ASCC3: variants seen among roughly 807,000 people sequenced by gnomAD.
The protein encoded by ASCC3 is activating signal cointegrator 1 complex subunit 3.
ASCC3 carries 158 observed loss-of-function variants against 256.3 expected under a neutral mutation model. The ratio of observed to expected loss-of-function variants is 0.62; its 90% confidence interval spans 0.54 to 0.70. The LOEUF is 0.70. ASCC3 is among the 30% of genes least tolerant of loss of function. ASCC3 has a pLI of 0.00. For synonymous variants in ASCC3, 948 were observed against 883.4 expected, an observed-to-expected ratio of 1.07 and a Z score of -1.30; for missense variants, 2,259 against 2,626.0, an observed-to-expected ratio of 0.86 and a Z score of 3.05.
At chr6:100,803,514 C>G (rs1023346342) in intron 5 of ASCC3, among the ~76,000 whole-genome samples, 1 of 152,098 alleles carries the variant, frequency 6.6e-6, no homozygotes, top group Non-Finnish European at 1.5e-5. Flanking sequence ...CCAATTGAAC[C>G]TCCTTTGTTT....
chr6:100,655,465 A>G (rs1043625858), intron 17 of ASCC3, among the ~76,000 whole-genome samples: 1 of 151,850 alleles, frequency 6.6e-6, no homozygotes, highest in Non-Finnish European at 1.5e-5. Flanking sequence ...ACCTGAATAC[A>G]TGGATAATAG....
At chr6:100,679,788 A>G (rs1322919903) in intron 13 of ASCC3, 36 bp from the exon 14 acceptor site, 2 of 1,600,992 alleles carry the variant, frequency 1.2e-6, no homozygotes, top group South Asian at 1.1e-5. Context: ...TAATATTCCA[A>G]TTAATTAAAT....
chr6:100,710,514 A>G (rs1038956733), intron 13 of ASCC3, among the ~76,000 whole-genome samples: 1 of 152,192 alleles, frequency 6.6e-6, no homozygotes, highest in Non-Finnish European at 1.5e-5. Flanking sequence ...TTTGAAAAGT[A>G]AGGCAATGAA....
chr6:100,747,219 C>G (rs770432321), intron 10 of ASCC3, among the ~76,000 whole-genome samples: 3 of 150,956 alleles, frequency 2.0e-5, no homozygotes, highest in Non-Finnish European at 3.0e-5. Flanking sequence ...ATACTACACA[C>G]CAACTAGAAT....
intron 8 of ASCC3, among the ~76,000 whole-genome samples, chr6:100,781,516 TG>T (rs1384730388): frequency 1.3e-5 from 2 of 151,238 alleles, no homozygotes; most frequent in Non-Finnish European, 2.9e-5. Context: ...CCTGAGTAGC[TG>T]GGACTACAGG....
In ASCC3 at chr6:100,822,515, C is replaced by T. The variant is rs199656602; in HGVS notation, c.802-16635G>A. ...TCGCGCCACTGCACTCCAGCCTGGG[C>T]GACGAGCAAGACTCCGTCTCCAAAA... On this transcript the variant is annotated intron_variant, in intron 4 of 41. Coordinates refer to ENST00000369162, the MANE Select transcript of ASCC3 (RefSeq NM_006828.4). 3.6e-4 allele frequency among the ~76,000 whole-genome samples: 50 copies of T among 139,406 alleles called. No individual in the cohort carries two copies. The East Asian group carries it at 9.4e-3, about 26-fold the overall frequency. 91.5% of individuals were successfully genotyped at this position (139,406 alleles called of 152,430 possible).
chr6:100,806,272 T>C (rs1770176875), intron 4 of ASCC3, among the ~76,000 whole-genome samples: 1 of 152,012 alleles, frequency 6.6e-6, no homozygotes, highest in African/African-American at 2.4e-5. Flanking sequence ...TACAACAGTG[T>C]AATTTTTAGC....
At chr6:100,850,098 CA>C (rs61582863) in intron 3 of ASCC3, among the ~76,000 whole-genome samples, 22,684 of 80,082 alleles carry the variant, frequency 0.28, 2,098 homozygotes, top group East Asian at 0.47. Context: ...GAGACTCTAT[CA>C]AAAAAAAAAA....
intron 29 of ASCC3, 42 bp from the exon 30 acceptor site, chr6:100,625,376 C>T (rs754112320): frequency 1.9e-6 from 3 of 1,601,420 alleles, no homozygotes; most frequent in East Asian, 4.5e-5. Flanking sequence ...AGATACTTAA[C>T]CCCAGAATAT....
rs543318669 is a variant in ASCC3 at position 100,609,523 on chromosome 6, A to G, written c.4786-2435T>C. ...CTCTCTGAATATTCTATCACTTTCCATTCAACATGGAAAATACTTAAAGTA... is the reference window on the plus strand; with the variant it reads ...CTCTCTGAATATTCTATCACTTTCCGTTCAACATGGAAAATACTTAAAGTA... On this transcript the variant is annotated intron_variant, in intron 30 of 41. Coordinates refer to ENST00000369162, the MANE Select transcript of ASCC3 (RefSeq NM_006828.4). Among the ~76,000 whole-genome samples the G allele has an allele frequency of 6.6e-5, 10 of 152,100 alleles. No individual in the cohort carries two copies. In the East Asian group the frequency reaches 1.9e-3, roughly 29 times the overall value.
In ASCC3 at chr6:100,638,592, T is replaced by C. The variant is rs777221419; in HGVS notation, c.4122+9A>G. ...CTAATTAAATGTAAGTATGATTCTTTCAACAGACCTTTGAAGTAGGGTATT... is the reference window on the plus strand; with the variant it reads ...CTAATTAAATGTAAGTATGATTCTTCCAACAGACCTTTGAAGTAGGGTATT... On this transcript the variant is annotated intron_variant, in intron 25 of 41. Transcript: ENST00000369162. The C allele has an allele frequency of 6.3e-7, 1 of 1,590,238 alleles. No individual in the cohort carries two copies. The highest frequency in any genetic ancestry group is 1.1e-5 in the South Asian group (1 of 90,284).
chr6:100,603,305 A>G lies in ASCC3; in HGVS notation c.5178-1370T>C, dbSNP rs905532474. ...AAAAAATTACATAAATTATATAGGT[A>G]CAACACAATTAATTATTACAATGTG... On this transcript the variant is annotated intron_variant, in intron 33 of 41. Transcript: ENST00000369162. Among the ~76,000 whole-genome samples the G allele has an allele frequency of 3.9e-5, 6 of 152,148 alleles. 1 individual carries two copies. The South Asian group carries it at 1.2e-3, about 32-fold the overall frequency.
intron 36 of ASCC3, among the ~76,000 whole-genome samples, chr6:100,551,641 G>T (rs1351559091): frequency 6.6e-6 from 1 of 151,856 alleles, no homozygotes; most frequent in Admixed American, 6.6e-5. Flanking sequence ...ATATGCTTTT[G>T]GTAAGTAGGA....
chr6:100,818,530 C>A (rs1484873581), intron 4 of ASCC3, among the ~76,000 whole-genome samples: 2 of 148,572 alleles, frequency 1.3e-5, no homozygotes, highest in Non-Finnish European at 3.0e-5. Context: ...CAAGATCATG[C>A]CACTCTCTAG....
intron 8 of ASCC3, among the ~76,000 whole-genome samples, chr6:100,779,878 A>G (rs1179559732): frequency 1.3e-5 from 2 of 152,190 alleles, no homozygotes; most frequent in Non-Finnish European, 2.9e-5. Flanking sequence ...TAAGAACAAT[A>G]GAAGACAAAA....
At chr6:100,857,848 C>G (rs934294321) in intron 3 of ASCC3, 1 of 148,996 alleles carries the variant, frequency 6.7e-6, no homozygotes, top group Non-Finnish European at 1.5e-5. Context: ...TTCATATTAC[C>G]CTTGTCAATT....
At position 100,661,946 on chromosome 6, in the gene ASCC3, G is replaced by T. The variant is rs1298637544; in HGVS notation, c.2563C>A (p.Arg855=). ...DVMQIFGRAG[R]PQFDKFGEGI... is the part of the protein sequence containing the mutation. ...TCCCCAAATTTGTCAAATTGTGGTC[G>T]TCCAGCTCGACCAAATATCTGCATG... The change falls in exon 16 of 42, where the codon CGA becomes AGA. Residue 855 remains arginine (R), a synonymous_variant. Coordinates refer to ENST00000369162, the MANE Select transcript of ASCC3 (RefSeq NM_006828.4). 2.5e-6 allele frequency: 4 copies of T among 1,613,174 alleles called. No individual in the cohort carries two copies. The highest frequency in any genetic ancestry group is 3.4e-6 in the Non-Finnish European group (4 of 1,179,500).
intron 36 of ASCC3, among the ~76,000 whole-genome samples, chr6:100,576,295 TA>T (rs994624023): frequency 6.6e-6 from 1 of 152,018 alleles, no homozygotes; most frequent in African/African-American, 2.4e-5. Flanking sequence ...ATGTCTTCAA[TA>T]AAAAAATGCT....
intron 30 of ASCC3, among the ~76,000 whole-genome samples, chr6:100,617,942 T>C (rs910217928): frequency 2.0e-5 from 3 of 152,246 alleles, no homozygotes; most frequent in African/African-American, 7.2e-5. Context: ...CATGTTCATA[T>C]GTTCATTTCA....
Sources: gnomAD v4.1 joint callset for allele counts (sites outside exome capture counted in the v4.1 genomes callset) on GRCh38, gnomAD v4.1.1 for gene constraint, MANE v1.5 for transcripts, NCBI Gene and HGNC (gene_info 2026-07-23, HGNC 2026-07-21) for gene names.